The following SLC34A3 variants were observed in gnomAD, a reference collection of about 807,000 sequenced individuals.
SLC34A3 encodes the protein solute carrier family 34 member 3.
A neutral mutation model predicts 43.9 loss-of-function variants in SLC34A3; 60 were observed. That is an observed-to-expected ratio of 1.37 (90% confidence interval 1.11 to 1.70). SLC34A3 has a LOEUF of 1.70. SLC34A3 is among the 40% of genes most tolerant of loss of function. The probability of loss-of-function intolerance (pLI) is 0.00; values close to 1 mark genes in which losing one functional copy is unlikely to be tolerated. For missense variants in SLC34A3, 969 were observed against 823.8 expected (o/e 1.18, Z -2.16); for synonymous variants, 451 against 386.2 (o/e 1.17, Z -1.97).
chr9:137,234,761 C>G lies in SLC34A3; in HGVS notation c.1335+30C>G. 6.2e-7 allele frequency: 1 copy of G among 1,602,672 alleles called. No individual in the cohort carries two copies. The highest frequency in any genetic ancestry group is 1.1e-5 in the South Asian group (1 of 91,078). Reference sequence around the variant, plus strand: ...TGTCCACCCTGCCCCGCTGCCAGAACTGGCCAGCTTCCTCTCAGCCCCACA... The same window carrying G: ...TGTCCACCCTGCCCCGCTGCCAGAAGTGGCCAGCTTCCTCTCAGCCCCACA... On this transcript the variant is annotated intron_variant, in intron 12 of 12. Transcript: ENST00000673835. This position sits in a 1 kb window ranked among gnomAD's most constrained non-coding sequence, Gnocchi z 6.9.
Position 137,234,523 on chromosome 9 carries a change from C to A in SLC34A3, c.1201C>A (p.Pro401Thr), listed in dbSNP as rs768473327. The A allele has an allele frequency of 6.2e-7, 1 of 1,606,038 alleles. No homozygotes were observed. Among genetic ancestry groups the A allele is most frequent in the Non-Finnish European group, 8.5e-7 (1 of 1,177,692 alleles). The change falls in exon 11 of 13, where the codon CCC becomes ACC. Residue 401 changes from proline to threonine, a missense_variant. By Grantham distance (38) the Pro-to-Thr change is conservative. Transcript: ENST00000673835. The surrounding 1 kb of genome is among the most constrained non-coding windows in gnomAD (Gnocchi z 6.9). Reference protein sequence around the residue: ...SSSVFTAAVVPLMGVGVISLD... With the variant: ...SSSVFTAAVVTLMGVGVISLD... ...CAGCGTCTTCACGGCGGCCGTCGTG[C>A]CCCTCATGGGTGAGCAGGCAGGACA...
At chr9:137,235,026 C>G (rs1298085012) in intron 12 of SLC34A3, among the ~76,000 whole-genome samples, 1 of 152,164 alleles carries the variant, frequency 6.6e-6, no homozygotes, top group Non-Finnish European at 1.5e-5. Flanking sequence ...GCTCTAAGCC[C>G]CTCTATTCCA....
chr9:137,236,481 G>T lies in SLC34A3; in HGVS notation c.*65G>T, dbSNP rs536039282. The T allele has an allele frequency of 1.6e-5, 22 of 1,401,966 alleles. No homozygotes were observed. The highest frequency in any genetic ancestry group is 9.9e-5 in the Admixed American group (5 of 50,734). 86.8% of individuals were successfully genotyped at this position (1,401,966 alleles called of 1,614,324 possible). On this transcript the variant is annotated 3_prime_UTR_variant, in exon 13 of 13. Coordinates refer to ENST00000673835, the MANE Select transcript of SLC34A3 (RefSeq NM_001177316.2). ...GGGAGGGCTCTGGAGGGCCCTGGAG[G>T]GGGGGTCCCCGCGGCAGCTGACCTC...
Position 137,234,724 on chromosome 9 carries a change from C to G in SLC34A3, c.1328C>G (p.Ala443Gly), listed in dbSNP as rs1307965771. 5 of 1,609,638 alleles carry G rather than the reference C, an allele frequency of 3.1e-6. No homozygotes were observed. Among genetic ancestry groups the G allele is most frequent in the Non-Finnish European group, 3.4e-6 (4 of 1,179,826 alleles). Residue 443 changes from alanine to glycine, a missense_variant, in exon 12 of 13, where the codon GCC (alanine) becomes GGC (glycine). By Grantham distance (60) the Ala-to-Gly change is moderately conservative. Transcript: ENST00000673835. The surrounding 1 kb of genome is among the most constrained non-coding windows in gnomAD (Gnocchi z 6.9). ...AGCCCCGCAGACAGGATGCTCAGCG[C>G]CCTGCAGGTACTGTCCACCCTGCCC... ...LASPADRMLS[A>G]LQVALIHFFF...
rs770594137 is a variant in SLC34A3 at position 137,236,175 on chromosome 9, C to G, written c.1559C>G (p.Pro520Arg). ...ATGGAGCTGGCCGCTGTCGGGGGTC[C>G]CCTGGTGGGGCTGGTGCTCCTCGTC... ...GGMELAAVGG[P>R]LVGLVLLVIL... The change falls in exon 13 of 13, where the codon CCC becomes CGC. Residue 520 changes from proline to arginine, a missense_variant. By Grantham distance (103) the Pro-to-Arg change is moderately radical. Transcript: ENST00000673835. 1.8e-5 allele frequency: 29 copies of G among 1,606,568 alleles called. No homozygotes were observed. Among genetic ancestry groups the G allele is most frequent in the Non-Finnish European group, 2.5e-5 (29 of 1,178,006 alleles).
chr9:137,234,871 C>T lies in SLC34A3; in HGVS notation c.1335+140C>T, dbSNP rs77377925. ...CCCCTTCCCTGGCCGCCAGCCTCAGCCCTGCTGCTCTGCCTCCTTGGACCC... is the reference window on the plus strand; with the variant it reads ...CCCCTTCCCTGGCCGCCAGCCTCAGTCCTGCTGCTCTGCCTCCTTGGACCC... On this transcript the variant is annotated intron_variant, in intron 12 of 12. Coordinates refer to ENST00000673835, the MANE Select transcript of SLC34A3 (RefSeq NM_001177316.2). The surrounding 1 kb of genome is among the most constrained non-coding windows in gnomAD (Gnocchi z 6.9). 0.039 allele frequency: 49,970 copies of T among 1,295,612 alleles called. 1,335 individuals are homozygous for T. Among genetic ancestry groups the T allele is most frequent in the Admixed American group, 0.092 (4,890 of 53,200 alleles). 80.3% of individuals were successfully genotyped at this position (1,295,612 alleles called of 1,614,324 possible).
chr9:137,233,588 CT>C (rs1399888613), intron 7 of SLC34A3, 44 bp from the exon 8 acceptor site: 2 of 1,596,004 alleles, frequency 1.3e-6, no homozygotes, highest in Non-Finnish European at 1.7e-6. Context: ...CGGGTGAGTC[CT>C]GAGAGAGGGT....
At chr9:137,231,057 A>C (rs1325089742) in intron 1 of SLC34A3, 119 bp downstream of exon 1, 1 of 154,530 alleles carries the variant, frequency 6.5e-6, no homozygotes, top group Non-Finnish European at 1.4e-5. Flanking sequence ...AAGAGACGCC[A>C]GGCTTGGGCA....
At chr9:137,230,109 G>A (rs1232522938), upstream of SLC34A3, among the ~76,000 whole-genome samples, 1 of 152,150 alleles carries the variant, frequency 6.6e-6, no homozygotes, top group East Asian at 1.9e-4. Flanking sequence ...CCCTGGGCAG[G>A]GTGAGCCTCT....
chr9:137,234,302 G>C lies in SLC34A3; in HGVS notation c.1093+26G>C, dbSNP rs762223830. 1.2e-6 allele frequency: 2 copies of C among 1,607,822 alleles called. No individual in the cohort carries two copies. Among genetic ancestry groups the C allele is most frequent in the Admixed American group, 1.7e-5 (1 of 59,882 alleles). ...GTGAGGGCGTGGGAGGAGGTGCGGT[G>C]GCCAGGGCTGACCCAGCATCCCCCA... On this transcript the variant is annotated intron_variant, in intron 10 of 12. Transcript: ENST00000673835. This position sits in a 1 kb window ranked among gnomAD's most constrained non-coding sequence, Gnocchi z 6.9.
At position 137,233,888 on chromosome 9, in the gene SLC34A3, C is replaced by T. The variant is rs1279925069; in HGVS notation, c.872C>T (p.Ala291Val). 1 of 1,607,000 alleles carries T rather than the reference C, an allele frequency of 6.2e-7. No individual in the cohort carries two copies. Among genetic ancestry groups the T allele is most frequent in the African/African-American group, 1.3e-5 (1 of 74,604 alleles). Residue 291 changes from alanine (A) to valine (V), a missense_variant, in exon 9 of 13, where the codon GCC (alanine) becomes GTC (valine). By Grantham distance (64) the Ala-to-Val change is moderately conservative. Transcript: ENST00000673835. ...ACCCAGGAGAACAGCAGCTGTGGCG[C>T]CTTCGGCCCGTGCACAGAGAAGAAC... ...QPTQENSSCG[A>V]FGPCTEKNST...
In SLC34A3 at chr9:137,232,691, C is replaced by T. The variant is rs1424453890; in HGVS notation, c.292C>T (p.Gln98Ter). ...TCTGGACGTCCTCAGCTCCGCCTTCCAGCTGCTGGGCAGTGAGTGACGGGA... is the reference window on the plus strand; with the variant it reads ...TCTGGACGTCCTCAGCTCCGCCTTCTAGCTGCTGGGCAGTGAGTGACGGGA... ...CSLDVLSSAFQLLGSKVAGDI... is the reference protein window; with the variant it reads ...CSLDVLSSAF Residue 98 changes from glutamine to a stop codon, truncating the protein, a stop_gained, in exon 4 of 13, where the codon CAG becomes TAG. Transcript: ENST00000673835. LOFTEE classifies it high-confidence loss of function. The T allele has an allele frequency of 6.2e-7, 1 of 1,612,814 alleles. No individual in the cohort carries two copies. Among genetic ancestry groups the T allele is most frequent in the African/African-American group, 1.3e-5 (1 of 74,948 alleles).
intron 2 of SLC34A3, 90 bp from the exon 3 acceptor site, chr9:137,231,982 G>A (rs778802851): frequency 3.9e-5 from 52 of 1,320,316 alleles, no homozygotes; most frequent in Middle Eastern, 1.8e-4. Context: ...GGCCTCTTAC[G>A]CCTCAGCCCG....
At position 137,236,379 on chromosome 9, in the gene SLC34A3, AC is replaced by A; in HGVS notation, c.1764del (p.Tyr588Ter). 1 of 1,538,898 alleles carries A rather than the reference AC, an allele frequency of 6.5e-7. No homozygotes were observed. The highest frequency in any genetic ancestry group is 8.7e-7 in the Non-Finnish European group (1 of 1,146,740). Reference sequence around the variant, plus strand: ...GCCACCACCAAAGAGGCCTACTGCTACGAGAACCCTGAGATCTTGGCCTCCC... The same window carrying A: ...GCCACCACCAAAGAGGCCTACTGCTAGAGAACCCTGAGATCTTGGCCTCCC... Reference protein sequence around the residue: ...PKATTKEAYCYENPEILASQQ... With the variant: ...PKATTKEAYCXENPEILASQQ... On this transcript the variant is annotated frameshift_variant, in exon 13 of 13. Transcript: ENST00000673835. LOFTEE classifies it high-confidence loss of function.
In SLC34A3 at chr9:137,233,498, G is replaced by A. The variant is rs1206924123; in HGVS notation, c.756+94G>A. ...TGCCCTGATGGAGGGTCAGCGGAGG[G>A]TCTGGGCCCTGTCCTGGGACAGGGG... is the stretch of plus-strand genomic sequence containing the variant. On this transcript the variant is annotated intron_variant, in intron 7 of 12. Coordinates refer to ENST00000673835, the MANE Select transcript of SLC34A3 (RefSeq NM_001177316.2). The A allele has an allele frequency of 4.4e-6, 7 of 1,580,092 alleles. No individual in the cohort carries two copies. In the African/African-American group the frequency reaches 8.1e-5, roughly 18 times the overall value.
In SLC34A3 at chr9:137,234,649, T is replaced by C; in HGVS notation, c.1253T>C (p.Leu418Pro). ...ISLDRAYPLL[L>P]GSNIGTTTTA... Reference sequence around the variant, plus strand: ...CTGGACCGGGCGTACCCCCTCTTACTGGGCTCCAACATCGGCACCACTACC... The same window carrying C: ...CTGGACCGGGCGTACCCCCTCTTACCGGGCTCCAACATCGGCACCACTACC... The change falls in exon 12 of 13, where the codon CTG (leucine) becomes CCG (proline). Residue 418 changes from leucine to proline, a missense_variant. Coordinates refer to ENST00000673835, the MANE Select transcript of SLC34A3 (RefSeq NM_001177316.2). This position sits in a 1 kb window ranked among gnomAD's most constrained non-coding sequence, Gnocchi z 6.9. 1 of 1,612,506 alleles carries C rather than the reference T, an allele frequency of 6.2e-7. No individual in the cohort carries two copies. Among genetic ancestry groups the C allele is most frequent in the Non-Finnish European group, 8.5e-7 (1 of 1,179,886 alleles).
intron 1 of SLC34A3, chr9:137,231,227 G>A (rs1292362984): frequency 5.0e-6 from 1 of 199,994 alleles, no homozygotes; most frequent in South Asian, 8.5e-5. Flanking sequence ...GACCCCACCT[G>A]CTCCCCATCA....
rs1440774561 is a variant in SLC34A3 at position 137,236,181 on chromosome 9, T to C, written c.1565T>C (p.Val522Ala). ...CTGGCCGCTGTCGGGGGTCCCCTGG[T>C]GGGGCTGGTGCTCCTCGTCATCCTG... ...MELAAVGGPL[V>A]GLVLLVILVT... The change falls in exon 13 of 13, where the codon GTG becomes GCG. Residue 522 changes from valine (V) to alanine (A), a missense_variant. Transcript: ENST00000673835. 7 of 1,604,980 alleles carry C rather than the reference T, an allele frequency of 4.4e-6. No individual in the cohort carries two copies. The highest frequency in any genetic ancestry group is 5.9e-6 in the Non-Finnish European group (7 of 1,177,422).
intron 8 of SLC34A3, 32 bp downstream of exon 8, chr9:137,233,754 C>T: frequency 3.1e-6 from 5 of 1,607,524 alleles, no homozygotes; most frequent in Non-Finnish European, 4.3e-6. Context: ...CCTCACTGAC[C>T]CCCAACCTCC....
Sources: gnomAD v4.1 joint callset for allele counts (sites outside exome capture counted in the v4.1 genomes callset) on GRCh38, gnomAD v4.1.1 for gene constraint, Gnocchi (gnomAD v3.1) non-coding constraint, MANE v1.5 for transcripts, NCBI Gene and HGNC (gene_info 2026-07-23, HGNC 2026-07-21) for gene names.